The following LY86 variants were observed in gnomAD, a reference collection of about 807,000 sequenced individuals.
LY86 encodes lymphocyte antigen 86, also known as MD-1, RP105-associated.
A neutral mutation model predicts 17.3 loss-of-function variants in LY86; 20 were observed. The observed-to-expected ratio is 1.15, with a 90% confidence interval of 0.81 to 1.68. The LOEUF is 1.68. Ranked by LOEUF, LY86 falls within the 40% of genes most tolerant of loss-of-function variation. The pLI, the probability that LY86 is intolerant of heterozygous loss-of-function variation, is 0.00. For synonymous variants in LY86, 74 were observed against 70.6 expected (o/e 1.05, Z -0.24); for missense variants, 200 against 191.9 (o/e 1.04, Z -0.25).
chr6:6,605,339 G>A (rs746644801), intron 1 of LY86, among the ~76,000 whole-genome samples: 3 of 152,230 alleles, frequency 2.0e-5, no homozygotes, highest in Admixed American at 6.5e-5. Context: ...TCTGGGAAAA[G>A]GTGATGAAGT....
intron 3 of LY86, among the ~76,000 whole-genome samples, chr6:6,647,325 A>G (rs1382109824): frequency 6.6e-6 from 1 of 152,232 alleles, no homozygotes; most frequent in African/African-American, 2.4e-5. Context: ...CCCTTGGAAC[A>G]ACAAATATGG....
At chr6:6,647,614 C>A (rs1438787073) in intron 3 of LY86, among the ~76,000 whole-genome samples, 1 of 152,106 alleles carries the variant, frequency 6.6e-6, no homozygotes, top group East Asian at 1.9e-4. Context: ...CTGGCAATAC[C>A]CTCCTGTTTG....
At chr6:6,597,398 T>G (rs80079301) in intron 1 of LY86, among the ~76,000 whole-genome samples, 35 of 152,238 alleles carry the variant, frequency 2.3e-4, no homozygotes, top group African/African-American at 8.4e-4. Flanking sequence ...GGATGGAGTA[T>G]AGAGAGGCAG....
chr6:6,603,697 A>G (rs960067848), intron 1 of LY86, among the ~76,000 whole-genome samples: 3 of 151,764 alleles, frequency 2.0e-5, no homozygotes, highest in Non-Finnish European at 4.4e-5. Flanking sequence ...CCCACAGAAA[A>G]CGTGTCAATG....
At chr6:6,590,378 G>A (rs1760488986) in intron 1 of LY86, among the ~76,000 whole-genome samples, 2 of 152,174 alleles carry the variant, frequency 1.3e-5, no homozygotes, top group South Asian at 4.1e-4. Flanking sequence ...TGGGCAGCAC[G>A]AGATTTCATC....
intron 3 of LY86, among the ~76,000 whole-genome samples, chr6:6,643,704 G>T (rs771176155): frequency 6.6e-6 from 1 of 152,058 alleles, no homozygotes; most frequent in Non-Finnish European, 1.5e-5. Flanking sequence ...ACACAAAAAC[G>T]CACATACATT....
At chr6:6,598,311 A>G (rs1018283645) in intron 1 of LY86, among the ~76,000 whole-genome samples, 1 of 152,162 alleles carries the variant, frequency 6.6e-6, no homozygotes, top group African/African-American at 2.4e-5. Flanking sequence ...TCTTAACCTC[A>G]TTTCAAAATA....
intron 1 of LY86, among the ~76,000 whole-genome samples, chr6:6,601,442 G>T (rs1211402844): frequency 6.6e-6 from 1 of 152,200 alleles, no homozygotes; most frequent in Non-Finnish European, 1.5e-5. Flanking sequence ...TACACTAGAG[G>T]CCGGGCGCGG....
intron 4 of LY86, 46 bp downstream of exon 4, chr6:6,649,723 G>C: frequency 4.6e-6 from 5 of 1,083,882 alleles, no homozygotes; most frequent in Non-Finnish European, 5.4e-6. Context: ...GTTTCTTGAA[G>C]AAGAAGAAGA....
At chr6:6,625,115 T>C (rs1761762912) in intron 2 of LY86, 103 bp downstream of exon 2, 2 of 567,796 alleles carry the variant, frequency 3.5e-6, no homozygotes, top group Non-Finnish European at 6.2e-6. Flanking sequence ...GCTAAACTAC[T>C]GTTCCCTCAC....
intron 3 of LY86, among the ~76,000 whole-genome samples, chr6:6,626,896 G>A (rs1186973615): frequency 6.6e-6 from 1 of 151,788 alleles, no homozygotes; most frequent in Non-Finnish European, 1.5e-5. Flanking sequence ...CAGGGCATCC[G>A]GGAGTTACAC....
At chr6:6,597,379 C>G (rs544023822) in intron 1 of LY86, among the ~76,000 whole-genome samples, 1 of 152,268 alleles carries the variant, frequency 6.6e-6, no homozygotes, top group African/African-American at 2.4e-5. Context: ...AGAACGGGAG[C>G]AGGGCTGAGG....
intron 3 of LY86, among the ~76,000 whole-genome samples, chr6:6,635,453 T>TTC (rs145066714): frequency 6.6e-6 from 1 of 151,586 alleles, no homozygotes; most frequent in Non-Finnish European, 1.5e-5. Context: ...CTCTCTCCCT[T>TTC]TCTCTCTCTC....
At chr6:6,603,619 C>CAAAAAAAAAAACAA (rs758614233) in intron 1 of LY86, among the ~76,000 whole-genome samples, 14 of 117,662 alleles carry the variant, frequency 1.2e-4, no homozygotes, top group African/African-American at 4.0e-4. Context: ...AAAAAACAAA[C>CAAAAAAAAAAACAA]AAAAAAAAAC....
chr6:6,630,362 C>T lies in LY86; in HGVS notation c.352+3941C>T, dbSNP rs761217764. On this transcript the variant is annotated intron_variant, in intron 3 of 4. Transcript: ENST00000230568. ...CTCTTGCCTGGGATACCCACAGCCC[C>T]ATTTACTCAGGCTGTGGGCTCACTG... 7.7e-4 allele frequency among the ~76,000 whole-genome samples: 117 copies of T among 152,222 alleles called. 1 individual carries two copies. The highest frequency in any genetic ancestry group is 3.2e-3 in the Middle Eastern group (1 of 316).
At chr6:6,626,517 C>G (rs1761792298) in intron 3 of LY86, 96 bp downstream of exon 3, 11 of 1,393,290 alleles carry the variant, frequency 7.9e-6, no homozygotes, top group Non-Finnish European at 1.1e-5. Context: ...AGAGCTCTGT[C>G]TCTGCCCCTC....
At chr6:6,595,040 C>T (rs1760654339) in intron 1 of LY86, among the ~76,000 whole-genome samples, 1 of 151,776 alleles carries the variant, frequency 6.6e-6, no homozygotes, top group African/African-American at 2.4e-5. Context: ...AAAGATAAGT[C>T]TTCGGGTAAA....
At chr6:6,643,511 G>A (rs1407124811) in intron 3 of LY86, among the ~76,000 whole-genome samples, 1 of 152,202 alleles carries the variant, frequency 6.6e-6, no homozygotes, top group Non-Finnish European at 1.5e-5. Flanking sequence ...AGGGAGCATG[G>A]GAAAGGAAGA....
At chr6:6,627,393 T>G (rs1761811624) in intron 3 of LY86, among the ~76,000 whole-genome samples, 1 of 152,152 alleles carries the variant, frequency 6.6e-6, no homozygotes, top group East Asian at 1.9e-4. Flanking sequence ...ACAAGGAACT[T>G]AAGGGAGGAT....
Sources: allele counts gnomAD v4.1 joint callset (sites outside exome capture counted in the v4.1 genomes callset), GRCh38; gene constraint gnomAD v4.1.1; transcripts MANE v1.5; gene names NCBI Gene and HGNC (gene_info 2026-07-23, HGNC 2026-07-21).